NT5DC1: variants seen among roughly 807,000 people sequenced by gnomAD.
NT5DC1 encodes 5'-nucleotidase domain containing 1, also known as 5'-nucleotidase domain-containing protein 1.
In NT5DC1, 42 loss-of-function variants were observed where a neutral mutation model predicts 59.4. The observed-to-expected ratio is 0.71, with a 90% CI of 0.55 to 0.92. The LOEUF (loss-of-function observed/expected upper bound fraction) is 0.92. Ranked by LOEUF, NT5DC1 falls within the 40% of genes least tolerant of loss-of-function variation. The pLI is 0.00. For synonymous variants in NT5DC1, 172 were observed against 188.1 expected, an observed-to-expected ratio of 0.91 and a Z score of 0.70; for missense variants, 501 against 537.1, an observed-to-expected ratio of 0.93 and a Z score of 0.66.
chr6:116,191,447 A>G (rs1017647466), intron 6 of NT5DC1, among the ~76,000 whole-genome samples: 3 of 152,102 alleles, frequency 2.0e-5, no homozygotes, highest in African/African-American at 7.2e-5. Context: ...AAAATGTTTT[A>G]CAGTGTAAGA....
intron 6 of NT5DC1, among the ~76,000 whole-genome samples, chr6:116,202,979 C>G (rs1303340059): frequency 6.6e-6 from 1 of 151,896 alleles, no homozygotes; most frequent in Non-Finnish European, 1.5e-5. Flanking sequence ...TTTACTTTTC[C>G]AAACATGGTT....
chr6:116,125,333 ATTTACC>A, intron 6 of NT5DC1: 2 of 1,613,184 alleles, frequency 1.2e-6, no homozygotes, highest in Non-Finnish European at 1.7e-6. Context: ...ATACAATTCA[ATTTACC>A]TTTACTCTTT....
chr6:116,218,855 C>T (rs536069166), intron 6 of NT5DC1, among the ~76,000 whole-genome samples: 3 of 152,290 alleles, frequency 2.0e-5, no homozygotes, highest in South Asian at 4.1e-4. Context: ...TTTTCTGAAT[C>T]ATGATGCTTT....
chr6:116,232,934 A>C (rs572355734), intron 8 of NT5DC1, among the ~76,000 whole-genome samples: 7 of 152,118 alleles, frequency 4.6e-5, no homozygotes, highest in Non-Finnish European at 8.8e-5. Flanking sequence ...CTCTTTATCC[A>C]ACCTTCATTT....
chr6:116,236,738 G>C (rs1169825573), intron 8 of NT5DC1, among the ~76,000 whole-genome samples: 4 of 152,002 alleles, frequency 2.6e-5, no homozygotes, highest in Non-Finnish European at 4.4e-5. Flanking sequence ...TGAGATCCTG[G>C]GCAAAATAAC....
intron 6 of NT5DC1, chr6:116,121,532 G>A (rs1321235736): frequency 2.5e-6 from 4 of 1,614,128 alleles, no homozygotes; most frequent in Non-Finnish European, 3.4e-6. Flanking sequence ...ACGACCAGGA[G>A]CACCATATCC....
In NT5DC1 at chr6:116,120,309, C is replaced by T. The variant is rs143769451; in HGVS notation, c.529+2364C>T. 2.8e-5 allele frequency: 46 copies of T among 1,614,140 alleles called. No homozygotes were observed. The highest frequency in any genetic ancestry group is 3.3e-5 in the Non-Finnish European group (39 of 1,180,028). ...CAAACATGAGTCCCTTTCACATGCA[C>T]GTGGTATGAAAAATAGTATATTCCT... On this transcript the variant is annotated intron_variant, in intron 6 of 11. Coordinates refer to ENST00000319550, the MANE Select transcript of NT5DC1 (RefSeq NM_152729.3).
At chr6:116,163,141 A>AAAATATATATATATAT (rs761718922) in intron 6 of NT5DC1, among the ~76,000 whole-genome samples, 52 of 88,360 alleles carry the variant, frequency 5.9e-4, no homozygotes, top group African/African-American at 3.0e-3. Context: ...AAAAAAAAAA[A>AAAATATATATATATAT]ATATATATAT....
At chr6:116,236,315 G>A (rs1012823958) in intron 8 of NT5DC1, among the ~76,000 whole-genome samples, 3 of 152,144 alleles carry the variant, frequency 2.0e-5, no homozygotes, top group Admixed American at 6.5e-5. Context: ...TTCAGCTCAC[G>A]TACAAGTAAT....
chr6:116,149,306 A>C (rs1779975352), intron 6 of NT5DC1, among the ~76,000 whole-genome samples: 1 of 152,244 alleles, frequency 6.6e-6, no homozygotes, highest in Non-Finnish European at 1.5e-5. Flanking sequence ...TCATCACTGC[A>C]AAATTTCAGA....
chr6:116,233,061 T>C (rs1228223152), intron 8 of NT5DC1, among the ~76,000 whole-genome samples: 1 of 152,200 alleles, frequency 6.6e-6, no homozygotes, highest in Admixed American at 6.5e-5. Flanking sequence ...CAAACATCTA[T>C]TAGTGATTAA....
At chr6:116,199,603 G>C (rs1192179850) in intron 6 of NT5DC1, among the ~76,000 whole-genome samples, 1 of 152,066 alleles carries the variant, frequency 6.6e-6, no homozygotes, top group Non-Finnish European at 1.5e-5. Context: ...TCTGACTTTA[G>C]GCCTGGGGCA....
intron 6 of NT5DC1, chr6:116,120,218 A>G (rs1249768969): frequency 6.2e-7 from 1 of 1,614,208 alleles, no homozygotes; most frequent in Non-Finnish European, 8.5e-7. Context: ...AGCCTGATCC[A>G]GGTAGCCTTT....
At chr6:116,197,896 A>G (rs538190979) in intron 6 of NT5DC1, among the ~76,000 whole-genome samples, 4 of 152,166 alleles carry the variant, frequency 2.6e-5, no homozygotes, top group East Asian at 3.9e-4. Flanking sequence ...ACACATGTCT[A>G]CTTCATTAGG....
intron 11 of NT5DC1, among the ~76,000 whole-genome samples, chr6:116,240,873 G>A (rs1771698706): frequency 6.6e-6 from 1 of 152,204 alleles, no homozygotes; most frequent in South Asian, 2.1e-4. Flanking sequence ...GCCGGATGTG[G>A]TGGCTCACGC....
At chr6:116,221,768 T>C (rs910755447) in intron 7 of NT5DC1, among the ~76,000 whole-genome samples, 4 of 152,236 alleles carry the variant, frequency 2.6e-5, no homozygotes, top group African/African-American at 7.2e-5. Flanking sequence ...GGGCAGGTTT[T>C]ATAACCTCTT....
intron 6 of NT5DC1, among the ~76,000 whole-genome samples, chr6:116,169,006 T>C (rs115269036): frequency 0.013 from 2,026 of 151,552 alleles, 42 homozygotes; most frequent in African/African-American, 0.045. Flanking sequence ...CCCTGGAGAG[T>C]TTATTAGCCT....
intron 6 of NT5DC1, among the ~76,000 whole-genome samples, chr6:116,155,356 T>G (rs1275991114): frequency 6.6e-6 from 1 of 152,182 alleles, no homozygotes; most frequent in Non-Finnish European, 1.5e-5. Flanking sequence ...TTTATAGTAG[T>G]GGTTTTTATT....
Position 116,244,301 on chromosome 6 carries a change from A to C in NT5DC1, c.*277A>C. 1 of 212,078 alleles carries C rather than the reference A, an allele frequency of 4.7e-6. No homozygotes were observed. Among genetic ancestry groups the C allele is most frequent in the Admixed American group, 5.5e-5 (1 of 18,310 alleles). The allele number at this position is 212,078 out of a possible 1,614,324, so 13.1% of individuals were successfully genotyped here. ...GGGACACACACTCACACGCACAGTC[A>C]CTCTTACACATATGCCTAGTCCAGT... On this transcript the variant is annotated 3_prime_UTR_variant, in exon 12 of 12. Transcript: ENST00000319550.
Sources: allele counts gnomAD v4.1 joint callset (sites outside exome capture counted in the v4.1 genomes callset), GRCh38; gene constraint gnomAD v4.1.1; transcripts MANE v1.5; gene names NCBI Gene and HGNC (gene_info 2026-07-23, HGNC 2026-07-21).